NRXN3: variants seen among roughly 807,000 people sequenced by gnomAD.
NRXN3 encodes the protein neurexin 3.
In NRXN3, 32 loss-of-function variants were observed where a neutral mutation model predicts 137.6. The ratio of observed to expected loss-of-function variants is 0.23; its 90% CI spans 0.18 to 0.31. NRXN3 has a LOEUF of 0.31. Ranked by LOEUF, NRXN3 falls within the 10% of genes least tolerant of loss-of-function variation. The pLI, the probability that NRXN3 is intolerant of heterozygous loss-of-function variation, is 1.00. For synonymous variants in NRXN3, 798 were observed against 784.5 expected (o/e 1.02, Z -0.29); for missense variants, 1,574 against 2,062.5 (o/e 0.76, Z 4.59).
intron 19 of NRXN3, among the ~76,000 whole-genome samples, chr14:79,748,482 C>T (rs1392796285): frequency 6.6e-6 from 1 of 152,110 alleles, no homozygotes; most frequent in Non-Finnish European, 1.5e-5. Flanking sequence ...TCCAGATACT[C>T]ACCTCCATCC....
intron 10 of NRXN3, among the ~76,000 whole-genome samples, chr14:78,851,786 G>A (rs1392787941): frequency 6.6e-6 from 1 of 152,182 alleles, no homozygotes; most frequent in Non-Finnish European, 1.5e-5. Context: ...TACAGGGTTT[G>A]TGTCAACAAG....
chr14:79,048,097 C>CTACA (rs1555693062), intron 15 of NRXN3, among the ~76,000 whole-genome samples: 1 of 151,602 alleles, frequency 6.6e-6, no homozygotes, highest in African/African-American at 2.4e-5. Context: ...AAATAATAAA[C>CTACA]TACAAGTAAA....
At chr14:78,778,732 C>T (rs12881718) in intron 8 of NRXN3, among the ~76,000 whole-genome samples, 1,754 of 63,578 alleles carry the variant, frequency 0.028, 19 homozygotes, top group Non-Finnish European at 0.032. Context: ...CTTTCTTTCT[C>T]TCTCTCTTTC....
chr14:79,269,725 C>T (rs59503713), intron 15 of NRXN3, among the ~76,000 whole-genome samples: 2,081 of 152,162 alleles, frequency 0.014, 43 homozygotes, highest in African/African-American at 0.047. Flanking sequence ...CTTCCCATAC[C>T]GATGAGCTTT....
chr14:78,215,258 G>C (rs8016189), intron 1 of NRXN3, among the ~76,000 whole-genome samples: 64,295 of 151,894 alleles, frequency 0.42, 14,008 homozygotes, highest in Middle Eastern at 0.51. Flanking sequence ...CTAAAAAGGA[G>C]CTAAAACGTT....
At chr14:79,026,921 A>T (rs2099598864) in intron 15 of NRXN3, among the ~76,000 whole-genome samples, 1 of 90,994 alleles carries the variant, frequency 1.1e-5, no homozygotes, top group African/African-American at 3.1e-5. Context: ...CCAGAAAAAA[A>T]AGTATATATA....
At chr14:79,339,881 G>T (rs1451911796) in intron 15 of NRXN3, among the ~76,000 whole-genome samples, 1 of 152,074 alleles carries the variant, frequency 6.6e-6, no homozygotes, top group Non-Finnish European at 1.5e-5. Context: ...TGATAATGTA[G>T]GTAAAATGCA....
chr14:79,517,101 C>CCCA, intron 16 of NRXN3, among the ~76,000 whole-genome samples: 1 of 150,602 alleles, frequency 6.6e-6, no homozygotes, highest in East Asian at 2.0e-4. Flanking sequence ...AGCCCCCCCC[C>CCCA]CCTCAACGAA....
intron 19 of NRXN3, among the ~76,000 whole-genome samples, chr14:79,714,381 C>G (rs2098816469): frequency 6.6e-6 from 1 of 152,124 alleles, no homozygotes; most frequent in South Asian, 2.1e-4. Context: ...TGAGGATGTT[C>G]CCAGGGCTAT....
intron 19 of NRXN3, among the ~76,000 whole-genome samples, chr14:79,738,797 G>A (rs2098950970): frequency 1.3e-5 from 2 of 152,078 alleles, no homozygotes; most frequent in Admixed American, 6.6e-5. Flanking sequence ...GACCCCAAGT[G>A]ATCCATCTGC....
Position 78,752,818 on chromosome 14 carries a change from G to A in NRXN3, c.2044+37679G>A, listed in dbSNP as rs184657950. 2.6e-5 allele frequency among the ~76,000 whole-genome samples: 4 copies of A among 152,264 alleles called. No individual in the cohort carries two copies. The East Asian group carries it at 7.7e-4, about 29-fold the overall frequency. On this transcript the variant is annotated intron_variant, in intron 8 of 20. Transcript: ENST00000335750. ...GGGTGGGCCAGGGTCATTTCACGCAGGGGGTTGTAAGCCTGGTCATTAGGA... is the reference window on the plus strand; with the variant it reads ...GGGTGGGCCAGGGTCATTTCACGCAAGGGGTTGTAAGCCTGGTCATTAGGA...
At chr14:79,085,937 T>A (rs1352147334) in intron 15 of NRXN3, among the ~76,000 whole-genome samples, 8 of 152,204 alleles carry the variant, frequency 5.3e-5, no homozygotes, top group Admixed American at 2.0e-4. Context: ...AAGCTTATCC[T>A]TTGAGATCAG....
At chr14:78,276,859 C>A (rs766152908) in intron 2 of NRXN3, among the ~76,000 whole-genome samples, 3 of 152,178 alleles carry the variant, frequency 2.0e-5, no homozygotes, top group Non-Finnish European at 2.9e-5. Context: ...AGTTTGATAT[C>A]CTGTTTAATT....
At chr14:79,834,638 C>T (rs746218941) in intron 20 of NRXN3, among the ~76,000 whole-genome samples, 5 of 151,980 alleles carry the variant, frequency 3.3e-5, no homozygotes, top group African/African-American at 4.8e-5. Flanking sequence ...AAATATTTGC[C>T]GAGAGCGGTA....
intron 4 of NRXN3, chr14:78,404,008 G>C (rs531664650): frequency 2.1e-6 from 1 of 480,554 alleles, no homozygotes; most frequent in South Asian, 8.8e-5. Context: ...TAAATGTGGG[G>C]CAGAGGTTTG....
At chr14:79,613,432 T>C (rs1027328464) in intron 16 of NRXN3, among the ~76,000 whole-genome samples, 1 of 152,230 alleles carries the variant, frequency 6.6e-6, no homozygotes, top group Non-Finnish European at 1.5e-5. Context: ...CTGTCTATGA[T>C]ATCCCAAGCA....
intron 14 of NRXN3, among the ~76,000 whole-genome samples, chr14:78,973,728 T>C (rs906072722): frequency 6.6e-6 from 1 of 152,194 alleles, no homozygotes; most frequent in Non-Finnish European, 1.5e-5. Flanking sequence ...CATGCTGCTA[T>C]GTCTCAGAAT....
intron 15 of NRXN3, among the ~76,000 whole-genome samples, chr14:79,397,579 A>C (rs1270611758): frequency 6.6e-6 from 1 of 152,236 alleles, no homozygotes; most frequent in Non-Finnish European, 1.5e-5. Context: ...TCAAATTAAA[A>C]AGTAAAAATC....
chr14:79,314,687 A>G (rs376562353), intron 15 of NRXN3, among the ~76,000 whole-genome samples: 2 of 141,816 alleles, frequency 1.4e-5, no homozygotes, highest in African/African-American at 5.3e-5. Context: ...TGAAGAGAGC[A>G]GTGGTTCTCC....
Sources: allele counts gnomAD v4.1 joint callset (sites outside exome capture counted in the v4.1 genomes callset), GRCh38; gene constraint gnomAD v4.1.1; transcripts MANE v1.5; gene names NCBI Gene and HGNC (gene_info 2026-07-23, HGNC 2026-07-21).